The following ZFHX3 variants were observed in gnomAD, a reference collection of about 807,000 sequenced individuals.
ZFHX3 encodes the protein zinc finger homeobox 3, also known as zinc finger homeobox protein 3.
Under a neutral mutation model 279.1 loss-of-function variants are expected in ZFHX3, and 42 were observed. The observed-to-expected ratio is 0.15, with a 90% CI of 0.12 to 0.19. The LOEUF is 0.19. Among genes scored for constraint, ZFHX3 ranks in the 10% least tolerant of loss-of-function variants. The probability of loss-of-function intolerance (pLI) is 1.00; values close to 1 mark genes in which losing one functional copy is unlikely to be tolerated. For missense variants in ZFHX3, 4,981 were observed against 4,754.0 expected, an observed-to-expected ratio of 1.05 and a Z score of -1.40; for synonymous variants, 2,293 against 1,957.8, an observed-to-expected ratio of 1.17 and a Z score of -4.52.
intron 1 of ZFHX3, among the ~76,000 whole-genome samples, chr16:73,863,079 G>A (rs1038743782): frequency 2.0e-5 from 3 of 152,078 alleles, no homozygotes; most frequent in African/African-American, 4.8e-5. Flanking sequence ...GGTGGCAGGC[G>A]CCTGTAATCC....
chr16:73,329,692 T>C (rs2015763368), intron 3 of ZFHX3, among the ~76,000 whole-genome samples: 1 of 152,284 alleles, frequency 6.6e-6, no homozygotes, highest in Non-Finnish European at 1.5e-5. Flanking sequence ...CTTTGTGTAA[T>C]CCTGCATGCA....
chr16:73,240,149 T>C, intron 5 of ZFHX3, among the ~76,000 whole-genome samples: 1 of 152,118 alleles, frequency 6.6e-6, no homozygotes, highest in East Asian at 1.9e-4. Context: ...GTTTTCTTTG[T>C]AAGGGACACC....
chr16:73,288,226 GAA>G (rs1567440835), intron 4 of ZFHX3, among the ~76,000 whole-genome samples: 1 of 152,022 alleles, frequency 6.6e-6, no homozygotes, highest in Non-Finnish European at 1.5e-5. Context: ...GGAGAGGTGG[GAA>G]GGAGATGGAA....
At chr16:73,740,915 A>C (rs891444584) in intron 1 of ZFHX3, among the ~76,000 whole-genome samples, 2 of 152,178 alleles carry the variant, frequency 1.3e-5, no homozygotes, top group Admixed American at 6.5e-5. Context: ...TCATATACCC[A>C]ACTGATTATG....
intron 2 of ZFHX3, among the ~76,000 whole-genome samples, chr16:73,521,835 A>G (rs2019613149): frequency 6.6e-6 from 1 of 152,172 alleles, no homozygotes; most frequent in African/African-American, 2.4e-5. Flanking sequence ...ACTTTTGCTT[A>G]TTATAATCCC....
At chr16:72,866,615 T>C (rs1255025583) in intron 4 of ZFHX3, among the ~76,000 whole-genome samples, 1 of 152,178 alleles carries the variant, frequency 6.6e-6, no homozygotes, top group East Asian at 1.9e-4. Context: ...AGATCTGATC[T>C]GAAAGCCCCC....
intron 2 of ZFHX3, among the ~76,000 whole-genome samples, chr16:73,561,653 T>C (rs761348169): frequency 1.3e-5 from 2 of 151,388 alleles, no homozygotes; most frequent in African/African-American, 4.8e-5. Flanking sequence ...TTATTATTCT[T>C]ATACTTTACT....
chr16:72,966,218 C>T (rs1249260535), intron 1 of ZFHX3, among the ~76,000 whole-genome samples: 6 of 151,828 alleles, frequency 4.0e-5, no homozygotes, highest in Admixed American at 6.6e-5. Context: ...ACACCAGACT[C>T]GAGGGAACAA....
In ZFHX3 at chr16:73,270,061, T is replaced by G. The variant is rs77502469; in HGVS notation, c.-1193-12925A>C. ...CCATGTCCGGCCTGCCCATATATTTTTCAACTTGCATTGCTATCAGCAACA... is the reference window on the plus strand; with the variant it reads ...CCATGTCCGGCCTGCCCATATATTTGTCAACTTGCATTGCTATCAGCAACA... On this transcript the variant is annotated intron_variant, in intron 4 of 17. Transcript: ENST00000641206. Among the ~76,000 whole-genome samples the G allele has an allele frequency of 2.7e-3, 415 of 152,272 alleles. 15 individuals carry two copies. The East Asian group carries it at 0.069, about 25-fold the overall frequency.
chr16:73,033,538 G>A (rs1425257987), intron 1 of ZFHX3, among the ~76,000 whole-genome samples: 3 of 152,140 alleles, frequency 2.0e-5, no homozygotes, highest in Non-Finnish European at 4.4e-5. Flanking sequence ...CGGGGGGTGG[G>A]GGGGGACTGG....
chr16:72,985,472 C>T lies in ZFHX3; in HGVS notation c.-49-25278G>A, dbSNP rs148203203. ...GGTGTCCTCAATTAAATTCTACACACGTCAATTTTTCCCCAGGGAGGGCGA... is the reference window on the plus strand; with the variant it reads ...GGTGTCCTCAATTAAATTCTACACATGTCAATTTTTCCCCAGGGAGGGCGA... On this transcript the variant is annotated intron_variant, in intron 1 of 9. Coordinates refer to ENST00000268489, the MANE Select transcript of ZFHX3 (RefSeq NM_006885.4). Among the ~76,000 whole-genome samples, 16 of 152,316 alleles carry T rather than the reference C, an allele frequency of 1.1e-4. No individual in the cohort carries two copies. In the East Asian group the frequency reaches 2.3e-3, roughly 22 times the overall value.
At chr16:73,714,324 G>A (rs1218405453) in intron 1 of ZFHX3, among the ~76,000 whole-genome samples, 2 of 152,136 alleles carry the variant, frequency 1.3e-5, no homozygotes, top group Non-Finnish European at 2.9e-5. Flanking sequence ...GCTGCTTCCA[G>A]CAGGGGGCAG....
At chr16:73,014,032 C>T (rs926823103) in intron 1 of ZFHX3, among the ~76,000 whole-genome samples, 2 of 152,170 alleles carry the variant, frequency 1.3e-5, no homozygotes, top group Non-Finnish European at 2.9e-5. Flanking sequence ...CTGATGCAAT[C>T]ACAGGGGTCC....
chr16:73,728,951 C>T (rs1184196056), intron 1 of ZFHX3, among the ~76,000 whole-genome samples: 1 of 152,038 alleles, frequency 6.6e-6, no homozygotes, highest in Non-Finnish European at 1.5e-5. Flanking sequence ...AACCAGCAGA[C>T]AGTTCCCATC....
rs558958042 is a variant in ZFHX3, at chr16:73,870,488, C to T, written c.-1608+21163G>A. On this transcript the variant is annotated intron_variant, in intron 1 of 17. Coordinates refer to the ZFHX3 transcript ENST00000641206. ...GCCAAAGCGGCTTCACACTAGTCCACGTCAACGCTCAAAACAAATCCCCCT... is the reference window on the plus strand; with the variant it reads ...GCCAAAGCGGCTTCACACTAGTCCATGTCAACGCTCAAAACAAATCCCCCT... 2.6e-5 allele frequency among the ~76,000 whole-genome samples: 4 copies of T among 152,284 alleles called. No individual in the cohort carries two copies. The East Asian group carries it at 7.7e-4, about 29-fold the overall frequency.
chr16:73,020,021 C>T (rs1261822559), intron 1 of ZFHX3, among the ~76,000 whole-genome samples: 2 of 152,264 alleles, frequency 1.3e-5, no homozygotes, highest in South Asian at 4.1e-4. Context: ...TCGTTATCAT[C>T]GCTGAAAGAC....
chr16:73,743,246 G>C (rs1399890302), intron 1 of ZFHX3, among the ~76,000 whole-genome samples: 4 of 152,164 alleles, frequency 2.6e-5, no homozygotes, highest in Admixed American at 2.6e-4. Context: ...GTACCAGCCA[G>C]GCAATCTGCT....
intron 5 of ZFHX3, among the ~76,000 whole-genome samples, chr16:73,229,167 C>A (rs905390242): frequency 1.3e-5 from 2 of 152,172 alleles, no homozygotes; most frequent in African/African-American, 2.4e-5. Context: ...TCTGGAAACA[C>A]AAAGAAAGCC....
At chr16:72,919,620 T>C (rs950058717) in intron 3 of ZFHX3, among the ~76,000 whole-genome samples, 1 of 152,080 alleles carries the variant, frequency 6.6e-6, no homozygotes, top group Non-Finnish European at 1.5e-5. Context: ...CTATCACTAA[T>C]GTGAACATTT....
Sources: allele counts gnomAD v4.1 joint callset (sites outside exome capture counted in the v4.1 genomes callset), GRCh38; gene constraint gnomAD v4.1.1; transcripts MANE v1.5; gene names NCBI Gene and HGNC (gene_info 2026-07-23, HGNC 2026-07-21).